TXNL4A: variants seen among roughly 807,000 people sequenced by gnomAD.
The protein encoded by TXNL4A is thioredoxin like 4A, also known as thioredoxin-like protein 4A.
In TXNL4A, 17 loss-of-function variants were observed where a neutral mutation model predicts 14.6. The observed-to-expected ratio is 1.16, with a 90% CI of 0.80 to 1.74. The LOEUF is 1.74. TXNL4A is among the 40% of genes most tolerant of loss of function. The probability of loss-of-function intolerance (pLI) is 0.00; values close to 1 mark genes in which losing one functional copy is unlikely to be tolerated. For missense variants in TXNL4A, 74 were observed against 195.2 expected (o/e 0.38, Z 3.70); for synonymous variants, 83 against 70.6 (o/e 1.18, Z -0.88).
At chr18:80,003,862 T>C (rs1428242721) in intron 1 of TXNL4A, among the ~76,000 whole-genome samples, 2 of 152,068 alleles carry the variant, frequency 1.3e-5, no homozygotes, top group African/African-American at 2.4e-5. Flanking sequence ...GCAGGGCAAA[T>C]GCCAGACGCT....
chr18:80,017,724 T>C (rs2051821511), intron 1 of TXNL4A, among the ~76,000 whole-genome samples: 1 of 150,938 alleles, frequency 6.6e-6, no homozygotes, highest in Admixed American at 6.6e-5. Flanking sequence ...CACTTGATCA[T>C]GGTGGATAAG....
At chr18:80,007,886 T>C (rs781289736) in intron 1 of TXNL4A, among the ~76,000 whole-genome samples, 1 of 152,126 alleles carries the variant, frequency 6.6e-6, no homozygotes, top group African/African-American at 2.4e-5. Context: ...CCCTTCTGAA[T>C]TGCCCAGGTA....
intron 1 of TXNL4A, among the ~76,000 whole-genome samples, chr18:80,017,214 T>A (rs2051817421): frequency 6.6e-6 from 1 of 152,164 alleles, no homozygotes; most frequent in African/African-American, 2.4e-5. Flanking sequence ...ATTGATTTTG[T>A]ATCCTGAGAC....
In TXNL4A at chr18:79,984,518, C is replaced by T. The variant is rs1024872740; in HGVS notation, c.153+3722G>A. On this transcript the variant is annotated intron_variant, in intron 1 of 2. Transcript: ENST00000269601. ...GGCTGAGGTTGCAGTGAGCCAAGAT[C>T]GTGCCACTGCACTCTAGCCTGGACA... 3.9e-5 allele frequency among the ~76,000 whole-genome samples: 6 copies of T among 152,178 alleles called. No homozygotes were observed. In the East Asian group the frequency reaches 5.8e-4, roughly 15 times the overall value.
At chr18:80,014,680 G>C (rs945583532) in intron 1 of TXNL4A, among the ~76,000 whole-genome samples, 3 of 152,156 alleles carry the variant, frequency 2.0e-5, no homozygotes, top group Non-Finnish European at 4.4e-5. Context: ...ACTGTCAGTG[G>C]ATCTACCATT....
At chr18:80,033,606 T>C (rs924028348) in intron 1 of TXNL4A, among the ~76,000 whole-genome samples, 1 of 152,180 alleles carries the variant, frequency 6.6e-6, no homozygotes, top group African/African-American at 2.4e-5. Context: ...CCTGCCCAGG[T>C]CTCCAGGCTT....
At chr18:79,995,586 C>CA (rs1440227337) in intron 1 of TXNL4A, among the ~76,000 whole-genome samples, 1 of 152,194 alleles carries the variant, frequency 6.6e-6, no homozygotes, top group Non-Finnish European at 1.5e-5. Context: ...ATGATTTAGC[C>CA]ACCCTTAGAA....
In TXNL4A at chr18:80,011,714, A is replaced by T. The variant is rs569350097; in HGVS notation, c.-61+22137T>A. ...TTCCTTGAAGCAATGGAGTATAATC[A>T]AACATCTTGGCTCCTCCTGAAACCC... is the stretch of plus-strand genomic sequence containing the variant. On this transcript the variant is annotated intron_variant, in intron 1 of 2. Transcript: ENST00000585474. The surrounding 1 kb of genome is among the most constrained non-coding windows in gnomAD (Gnocchi z 4.1). Among the ~76,000 whole-genome samples the T allele has an allele frequency of 5.8e-4, 89 of 152,272 alleles. No individual in the cohort carries two copies. Among genetic ancestry groups the T allele is most frequent in the Admixed American group, 1.2e-3 (18 of 15,288 alleles).
intron 1 of TXNL4A, among the ~76,000 whole-genome samples, chr18:79,987,819 T>C (rs2051575659): frequency 6.6e-6 from 1 of 152,220 alleles, no homozygotes; most frequent in African/African-American, 2.4e-5. Context: ...GGATTTCTCA[T>C]GCTATGAACA....
rs1393279594 is a variant in TXNL4A at position 80,011,226 on chromosome 18, A to G, written c.-61+22625T>C. On this transcript the variant is annotated intron_variant, in intron 1 of 2. Coordinates refer to the TXNL4A transcript ENST00000585474. This position sits in a 1 kb window ranked among gnomAD's most constrained non-coding sequence, Gnocchi z 4.1. ...AGGGGAGCTAACCAGGCCCAAAACC[A>G]AGACTCGAATTTATTAAAAAGGGAT... 6.6e-6 allele frequency among the ~76,000 whole-genome samples: 1 copy of G among 152,218 alleles called. No homozygotes were observed. The highest frequency in any genetic ancestry group is 1.5e-5 in the Non-Finnish European group (1 of 68,036).
Position 79,988,339 on chromosome 18 carries a change from G to A in TXNL4A, c.54C>T (p.Ile18=), listed in dbSNP as rs2051588422. 2 of 1,580,712 alleles carry A rather than the reference G, an allele frequency of 1.3e-6. No homozygotes were observed. Among genetic ancestry groups the A allele is most frequent in the Non-Finnish European group, 8.6e-7 (1 of 1,162,956 alleles). The change falls in exon 1 of 3, where the codon ATC becomes ATT. Residue 18 remains isoleucine (I), a synonymous_variant. Transcript: ENST00000269601. ...LHNGWQVDQA[I]LSEEDRVVVI... ...CGACCACGCGGTCCTCCTCCGAGAG[G>A]ATGGCCTGGTCCACCTGCCAGCCGT...
upstream of TXNL4A, among the ~76,000 whole-genome samples, chr18:79,990,831 G>A (rs983900879): frequency 6.6e-6 from 1 of 152,228 alleles, no homozygotes; most frequent in Non-Finnish European, 1.5e-5. Flanking sequence ...TTGGCCGGGC[G>A]CGGTGGCTCA....
chr18:80,029,850 T>C lies in TXNL4A; in HGVS notation c.-61+4001A>G, dbSNP rs187599592. Among the ~76,000 whole-genome samples, 4 of 152,142 alleles carry C rather than the reference T, an allele frequency of 2.6e-5. No individual in the cohort carries two copies. The East Asian group carries it at 7.7e-4, about 29-fold the overall frequency. ...TTCTCAAGGGAGATATATTGCAACA[T>C]TGTGAGGGACTTATCGCCTTAAAAA... On this transcript the variant is annotated intron_variant, in intron 1 of 2. Coordinates refer to the TXNL4A transcript ENST00000585474.
chr18:80,009,612 T>A (rs1326396521), intron 1 of TXNL4A, among the ~76,000 whole-genome samples: 1 of 152,122 alleles, frequency 6.6e-6, no homozygotes, highest in African/African-American at 2.4e-5. Flanking sequence ...CAAGGCCAGA[T>A]TTAGAGCAAG....
intron 1 of TXNL4A, among the ~76,000 whole-genome samples, chr18:79,978,984 C>T (rs574886821): frequency 6.6e-6 from 1 of 150,910 alleles, no homozygotes; most frequent in South Asian, 2.1e-4. Context: ...GTCGCCTGGT[C>T]TGGAGTGCAG....
intron 1 of TXNL4A, among the ~76,000 whole-genome samples, chr18:80,027,440 AC>A (rs1323704943): frequency 1.8e-4 from 27 of 152,126 alleles, no homozygotes; most frequent in African/African-American, 6.5e-4. Flanking sequence ...TATCAGCTAC[AC>A]CCACTATCAG....
intron 1 of TXNL4A, among the ~76,000 whole-genome samples, chr18:80,013,665 C>T (rs958523974): frequency 6.6e-6 from 1 of 151,222 alleles, no homozygotes; most frequent in Non-Finnish European, 1.5e-5. Flanking sequence ...AGGCTGGTCT[C>T]GAACTCCTGA....
chr18:79,988,457 A>T lies in TXNL4A; in HGVS notation c.-65T>A. ...AGGGAGGGCCCAGCGAGGTGGGCTC[A>T]GCCGGCCCCTCACTCCCCGGCCCCC... On this transcript the variant is annotated 5_prime_UTR_variant, in exon 1 of 3. Coordinates refer to ENST00000269601, the MANE Select transcript of TXNL4A (RefSeq NM_006701.5). 7.8e-7 allele frequency: 1 copy of T among 1,286,824 alleles called. No individual in the cohort carries two copies. Among genetic ancestry groups the T allele is most frequent in the Non-Finnish European group, 9.9e-7 (1 of 1,011,598 alleles). The allele number at this position is 1,286,824 out of a possible 1,614,324, so 79.7% of individuals were successfully genotyped here.
intron 1 of TXNL4A, among the ~76,000 whole-genome samples, chr18:80,007,645 T>C (rs945579178): frequency 3.3e-5 from 5 of 152,004 alleles, no homozygotes; most frequent in African/African-American, 1.2e-4. Flanking sequence ...TGAAACAATA[T>C]GAGAGGGTCT....
Sources: gnomAD v4.1 joint callset for allele counts (sites outside exome capture counted in the v4.1 genomes callset) on GRCh38, gnomAD v4.1.1 for gene constraint, Gnocchi (gnomAD v3.1) non-coding constraint, MANE v1.5 for transcripts, NCBI Gene and HGNC (gene_info 2026-07-23, HGNC 2026-07-21) for gene names.